Variants in AP3D1 observed in about 807,000 individuals in gnomAD.
The protein encoded by AP3D1 is AP-3 complex subunit delta-1.
A neutral mutation model predicts 147.6 loss-of-function variants in AP3D1; 51 were observed. The observed-to-expected ratio is 0.35, with a 90% CI of 0.28 to 0.44. The LOEUF is 0.44. Among genes scored for constraint, AP3D1 ranks in the 20% least tolerant of loss-of-function variants. The pLI, the probability that AP3D1 is intolerant of heterozygous loss-of-function variation, is 1.00. For missense variants in AP3D1, 1,421 were observed against 1,624.2 expected, an observed-to-expected ratio of 0.87 and a Z score of 2.15; for synonymous variants, 760 against 663.0, an observed-to-expected ratio of 1.15 and a Z score of -2.25.
intron 31 of AP3D1, among the ~76,000 whole-genome samples, chr19:2,103,483 C>T (rs1002403384): frequency 2.7e-5 from 4 of 147,154 alleles, no homozygotes; most frequent in Non-Finnish European, 4.6e-5. Context: ...ACCAGAGCCC[C>T]CAGAGAGGGA....
chr19:2,108,627 T>G lies in AP3D1; in HGVS notation c.3552+60A>C, dbSNP rs986663872. ...AAGCGCGCCTCTGGGGATGAAGGCC[T>G]GGGCATGACCCCAGGAGAGGTGGCA... On this transcript the variant is annotated intron_variant, in intron 31 of 31. Coordinates refer to ENST00000643116, the MANE Select transcript of AP3D1 (RefSeq NM_001261826.3). 2.0e-6 allele frequency: 3 copies of G among 1,498,794 alleles called. No individual in the cohort carries two copies. The African/African-American group carries it at 4.2e-5, about 21-fold the overall frequency. The allele number at this position is 1,498,794 out of a possible 1,614,324, so 92.8% of individuals were successfully genotyped here. A position where few individuals can be genotyped will look rare whatever the true frequency, so the allele number is the denominator to read the frequency against.
intron 16 of AP3D1, chr19:2,117,004 C>T (rs1267621094): frequency 2.5e-6 from 2 of 801,130 alleles, no homozygotes; most frequent in African/African-American, 3.5e-5. Context: ...AGGGTGGGAG[C>T]AGGCCCACTT....
Position 2,118,810 on chromosome 19 carries a change from T to G in AP3D1, c.1504A>C (p.Thr502Pro). Reference protein sequence around the residue: ...FSEHLQEPHHTLEAMLRPRVT... With the variant: ...FSEHLQEPHHPLEAMLRPRVT... ...CTGGGCCGCAGCATGGCCTCCAAAG[T>G]GTGGTGTGGTTCCTGCAGATGCCTG... Residue 502 changes from threonine (T) to proline (P), a missense_variant, in exon 15 of 32, where the codon ACT (threonine) becomes CCT (proline). Around this residue, in one of 6 missense-constraint regions of AP3D1, gnomAD observed 310 missense variants for 388.1 expected, o/e 0.80. Transcript: ENST00000643116. The G allele has an allele frequency of 6.2e-7, 1 of 1,613,454 alleles. No individual in the cohort carries two copies. Among genetic ancestry groups the G allele is most frequent in the South Asian group, 1.1e-5 (1 of 91,044 alleles).
intron 15 of AP3D1, among the ~76,000 whole-genome samples, chr19:2,117,759 C>T (rs1414295733): frequency 2.6e-5 from 4 of 152,262 alleles, no homozygotes; most frequent in African/African-American, 9.6e-5. Context: ...AGGATCATGG[C>T]CAGCCCCGAG....
chr19:2,121,974 G>A lies in AP3D1; in HGVS notation c.956-95C>T, dbSNP rs956454195. 3 of 1,433,398 alleles carry A rather than the reference G, an allele frequency of 2.1e-6. No individual in the cohort carries two copies. In the Admixed American group the frequency reaches 7.6e-5, roughly 36 times the overall value. The allele number at this position is 1,433,398 out of a possible 1,614,324, so 88.8% of individuals were successfully genotyped here. A position where few individuals can be genotyped will look rare whatever the true frequency, so the allele number is the denominator to read the frequency against. ...CTCTCCGGGCCGGGTCTCCACCTCG[G>A]GAGGCTGCCTGGCCTTGGCAACCTG... is the stretch of plus-strand genomic sequence containing the variant. On this transcript the variant is annotated intron_variant, in intron 11 of 31. Coordinates refer to ENST00000643116, the MANE Select transcript of AP3D1 (RefSeq NM_001261826.3).
chr19:2,102,095 G>A lies in AP3D1; in HGVS notation c.*78C>T. On this transcript the variant is annotated 3_prime_UTR_variant, in exon 32 of 32. Coordinates refer to ENST00000643116, the MANE Select transcript of AP3D1 (RefSeq NM_001261826.3). Reference sequence around the variant, plus strand: ...AGGCTTGGGTACAGTACACACGACTGAGGAGAGGCGAGACACGTCAGGGCT... The same window carrying A: ...AGGCTTGGGTACAGTACACACGACTAAGGAGAGGCGAGACACGTCAGGGCT... 1 of 1,151,992 alleles carries A rather than the reference G, an allele frequency of 8.7e-7. No individual in the cohort carries two copies. The allele number at this position is 1,151,992 out of a possible 1,614,324, so 71.4% of individuals were successfully genotyped here. A position where few individuals can be genotyped will look rare whatever the true frequency, so the allele number is the denominator to read the frequency against.
chr19:2,141,590 C>G (rs888297075), intron 1 of AP3D1, among the ~76,000 whole-genome samples: 6 of 151,984 alleles, frequency 3.9e-5, no homozygotes, highest in Non-Finnish European at 5.9e-5. Context: ...TACAGGTACA[C>G]ACCACCACGC....
At chr19:2,126,791 G>A (rs972693915) in intron 9 of AP3D1, among the ~76,000 whole-genome samples, 11 of 152,172 alleles carry the variant, frequency 7.2e-5, no homozygotes, top group Non-Finnish European at 8.8e-5. Flanking sequence ...CTGTGAGAGC[G>A]GATGGCAGGC....
chr19:2,119,005 C>CAACA (rs1293547403), intron 14 of AP3D1, among the ~76,000 whole-genome samples, 173 bp from the exon 15 acceptor site: 2 of 152,206 alleles, frequency 1.3e-5, no homozygotes, highest in African/African-American at 4.8e-5. Context: ...CACAGGCCGT[C>CAACA]AACAGCCCGT....
chr19:2,105,133 C>T (rs999505430), intron 31 of AP3D1, among the ~76,000 whole-genome samples: 1 of 152,220 alleles, frequency 6.6e-6, no homozygotes. Context: ...TAGGACGAGG[C>T]AGACTGGTGA....
upstream of AP3D1, among the ~76,000 whole-genome samples, chr19:2,152,433 T>C (rs2019560220): frequency 6.6e-6 from 1 of 151,052 alleles, no homozygotes; most frequent in Admixed American, 6.6e-5. Context: ...ATCCCAGCTA[T>C]TCGGGAGGGT....
At chr19:2,157,137 G>A (rs1199139909) in intron 1 of AP3D1, among the ~76,000 whole-genome samples, 1 of 149,010 alleles carries the variant, frequency 6.7e-6, no homozygotes, top group South Asian at 2.1e-4. Context: ...CATCCACAAC[G>A]TTTCTTGAAA....
chr19:2,117,434 CG>C, intron 15 of AP3D1, 67 bp from the exon 16 acceptor site: 1 of 1,478,294 alleles, frequency 6.8e-7, no homozygotes, highest in Non-Finnish European at 9.0e-7. Flanking sequence ...TTCAGGGACA[CG>C]GGGTGGCTCA....
rs925252604 is a variant in AP3D1, at chr19:2,148,730, C to T, written c.96+2509G>A. On this transcript the variant is annotated intron_variant, in intron 1 of 31. Coordinates refer to ENST00000643116, the MANE Select transcript of AP3D1 (RefSeq NM_001261826.3). The stretch of plus-strand genomic sequence containing the variant: ...GCCAGTCAGCCCAAGCACCTGGACT[C>T]GGATCTCCCAAACCTCATGCGATTT... Among the ~76,000 whole-genome samples the T allele has an allele frequency of 5.9e-5, 9 of 152,332 alleles. No homozygotes were observed. In the East Asian group the frequency reaches 7.7e-4, roughly 13 times the overall value.
At chr19:2,109,843 G>C in intron 29 of AP3D1, 30 bp downstream of exon 29, 7 of 1,607,056 alleles carry the variant, frequency 4.4e-6, no homozygotes, top group Non-Finnish European at 6.0e-6. Flanking sequence ...AGGGGGTTCG[G>C]GGACATAGGG....
Position 2,123,396 on chromosome 19 carries a change from T to C in AP3D1, c.917A>G (p.Gln306Arg). 6.2e-7 allele frequency: 1 copy of C among 1,613,972 alleles called. No homozygotes were observed. The highest frequency in any genetic ancestry group is 8.5e-7 in the Non-Finnish European group (1 of 1,179,984). ...NHSASIQLCV[Q>R]KLRILIEDSD... ...GTCCTCGATCAATATCCTTAATTTC[T>C]GAACACAAAGCTGAAAAGAAGAAAA... The change falls in exon 11 of 32, where the codon CAG becomes CGG. Residue 306 changes from glutamine (Q) to arginine (R), a missense_variant. Coordinates refer to ENST00000643116, the MANE Select transcript of AP3D1 (RefSeq NM_001261826.3).
At chr19:2,163,215 A>C (rs2019765309) in intron 1 of AP3D1, among the ~76,000 whole-genome samples, 1 of 152,110 alleles carries the variant, frequency 6.6e-6, no homozygotes, top group Non-Finnish European at 1.5e-5. Context: ...CTGGGATTAC[A>C]GGCGCCCGCC....
intron 30 of AP3D1, 126 bp downstream of exon 30, chr19:2,108,960 A>C: frequency 1.4e-6 from 2 of 1,477,480 alleles, no homozygotes; most frequent in Non-Finnish European, 1.8e-6. Flanking sequence ...CGGGGCCACC[A>C]GCCACCCGGG....
intron 1 of AP3D1, among the ~76,000 whole-genome samples, chr19:2,148,392 T>TA (rs920831161): frequency 6.6e-6 from 1 of 152,196 alleles, no homozygotes; most frequent in African/African-American, 2.4e-5. Context: ...TACACACAAG[T>TA]ATCACATGCA....
Sources: allele counts gnomAD v4.1 joint callset (sites outside exome capture counted in the v4.1 genomes callset), GRCh38; gene constraint gnomAD v4.1.1; regional missense constraint gnomAD v4.1.1; transcripts MANE v1.5; gene names NCBI Gene and HGNC (gene_info 2026-07-23, HGNC 2026-07-21).